Variants in C8A observed in about 807,000 individuals in gnomAD.
C8A encodes complement component C8 alpha chain.
Under a neutral mutation model 65.3 loss-of-function variants are expected in C8A, and 67 were observed. That is an observed-to-expected ratio of 1.03 (90% confidence interval 0.84 to 1.26). The LOEUF (loss-of-function observed/expected upper bound fraction) is 1.26. Among genes scored for constraint, C8A ranks in the 50% most tolerant of loss-of-function variants. The pLI is 0.00. For missense variants in C8A, 781 were observed against 723.9 expected, an observed-to-expected ratio of 1.08 and a Z score of -0.90; for synonymous variants, 290 against 259.4, an observed-to-expected ratio of 1.12 and a Z score of -1.13.
intron 9 of C8A, among the ~76,000 whole-genome samples, chr1:56,908,431 C>T (rs1053232558): frequency 1.3e-5 from 2 of 152,210 alleles, no homozygotes; most frequent in African/African-American, 4.8e-5. Context: ...TCAAAAATCA[C>T]ATGGGCTAAA....
chr1:56,881,088 G>A (rs1285473853), intron 4 of C8A, among the ~76,000 whole-genome samples: 1 of 152,194 alleles, frequency 6.6e-6, no homozygotes, highest in Non-Finnish European at 1.5e-5. Context: ...TGAAGGCTCA[G>A]GCCAGCCCAT....
At chr1:56,876,850 T>G (rs1437327460) in intron 4 of C8A, among the ~76,000 whole-genome samples, 2 of 152,160 alleles carry the variant, frequency 1.3e-5, no homozygotes, top group African/African-American at 4.8e-5. Context: ...CCTGGAATAT[T>G]CTTTCCCGAA....
In C8A at chr1:56,912,524, C is replaced by T; in HGVS notation, c.1502C>T (p.Pro501Leu). The T allele has an allele frequency of 6.2e-7, 1 of 1,614,234 alleles. No individual in the cohort carries two copies. Among genetic ancestry groups the T allele is most frequent in the Non-Finnish European group, 8.5e-7 (1 of 1,180,052 alleles). The change falls in exon 10 of 11, where the codon CCT (proline) becomes CTT (leucine). Residue 501 changes from proline to leucine, a missense_variant. Physicochemically the swap from Pro to Leu is moderately conservative, Grantham distance 98. Transcript: ENST00000361249. Reference sequence around the variant, plus strand: ...GAATTCAATGCCTGCCGATGTGGGCCTTGCTTCAACAATGGGGTGCCCATC... The same window carrying T: ...GAATTCAATGCCTGCCGATGTGGGCTTTGCTTCAACAATGGGGTGCCCATC... The part of the protein sequence containing the change: ...LMEFNACRCG[P>L]CFNNGVPILE...
intron 7 of C8A, among the ~76,000 whole-genome samples, chr1:56,901,584 G>T (rs114842183): frequency 1.3e-5 from 2 of 152,142 alleles, no homozygotes; most frequent in Non-Finnish European, 2.9e-5. Flanking sequence ...ACTAGACTGG[G>T]AAGCAATCCA....
At chr1:56,914,545 A>G (rs762817129) in intron 10 of C8A, among the ~76,000 whole-genome samples, 8 of 152,222 alleles carry the variant, frequency 5.3e-5, no homozygotes, top group Non-Finnish European at 8.8e-5. Context: ...GGGGATCTTC[A>G]TGCAGTAGAC....
intron 1 of C8A, among the ~76,000 whole-genome samples, chr1:56,859,291 A>G (rs1644007791): frequency 6.6e-6 from 1 of 152,268 alleles, no homozygotes; most frequent in Admixed American, 6.5e-5. Flanking sequence ...TATATGAGAT[A>G]ATATATTCAA....
At chr1:56,892,188 C>T (rs1306176444) in intron 7 of C8A, among the ~76,000 whole-genome samples, 1 of 152,124 alleles carries the variant, frequency 6.6e-6, no homozygotes, top group African/African-American at 2.4e-5. Context: ...GAATAACATT[C>T]ATGTCCTTCT....
chr1:56,896,526 C>G (rs1017196780), intron 7 of C8A, among the ~76,000 whole-genome samples: 2 of 152,152 alleles, frequency 1.3e-5, no homozygotes, highest in African/African-American at 4.8e-5. Context: ...AGAGGAAGGT[C>G]AGTCTTTTTG....
At chr1:56,874,557 G>A (rs148640851) in intron 2 of C8A, among the ~76,000 whole-genome samples, 16 of 152,288 alleles carry the variant, frequency 1.1e-4, no homozygotes, top group East Asian at 3.9e-4. Flanking sequence ...GGAGAACTAC[G>A]TGGATGCTCA....
intron 7 of C8A, among the ~76,000 whole-genome samples, chr1:56,895,881 C>A (rs779765153): frequency 6.6e-6 from 1 of 151,956 alleles, no homozygotes; most frequent in African/African-American, 2.4e-5. Flanking sequence ...CCTGGGAGGT[C>A]GAGGTTGCAG....
At chr1:56,895,593 A>G (rs1644381921) in intron 7 of C8A, among the ~76,000 whole-genome samples, 1 of 152,202 alleles carries the variant, frequency 6.6e-6, no homozygotes, top group Non-Finnish European at 1.5e-5. Context: ...AAAAAATAAA[A>G]TGTAATAGAA....
intron 7 of C8A, among the ~76,000 whole-genome samples, chr1:56,892,580 T>C (rs2101264749): frequency 6.6e-6 from 1 of 152,208 alleles, no homozygotes; most frequent in East Asian, 1.9e-4. Flanking sequence ...CCACAATCCA[T>C]CCCTTTCTCT....
At position 56,912,632 on chromosome 1, in the gene C8A, T is replaced by A. The variant is rs1157968626; in HGVS notation, c.1603+7T>A. The A allele has an allele frequency of 6.2e-7, 1 of 1,612,796 alleles. No individual in the cohort carries two copies. The highest frequency in any genetic ancestry group is 8.5e-7 in the Non-Finnish European group (1 of 1,179,302). Reference sequence around the variant, plus strand: ...GAGCAAACACAGACAGAAGGTAAGGTCCGTGCATCCCCACCCAGTTCCAGC... The same window carrying A: ...GAGCAAACACAGACAGAAGGTAAGGACCGTGCATCCCCACCCAGTTCCAGC... On this transcript the variant is annotated splice_region_variant and intron_variant, in intron 10 of 10. Coordinates refer to ENST00000361249, the MANE Select transcript of C8A (RefSeq NM_000562.3).
intron 5 of C8A, among the ~76,000 whole-genome samples, chr1:56,883,100 T>C (rs1027161976): frequency 6.6e-6 from 1 of 152,198 alleles, no homozygotes; most frequent in East Asian, 1.9e-4. Flanking sequence ...CCTGCCCAGA[T>C]GTGGCTTTCT....
intron 1 of C8A, 125 bp from the exon 2 acceptor site, chr1:56,867,484 T>C: frequency 4.1e-6 from 3 of 727,220 alleles, no homozygotes; most frequent in Non-Finnish European, 5.1e-6. Context: ...AAAGTAGGAG[T>C]ACAATAAATG....
At chr1:56,897,792 T>A (rs1644397430) in intron 7 of C8A, among the ~76,000 whole-genome samples, 1 of 152,180 alleles carries the variant, frequency 6.6e-6, no homozygotes, top group African/African-American at 2.4e-5. Context: ...ATTCGTAATC[T>A]AATCTCCATT....
intron 1 of C8A, among the ~76,000 whole-genome samples, chr1:56,858,172 T>C (rs892936048): frequency 2.0e-5 from 3 of 152,186 alleles, no homozygotes; most frequent in African/African-American, 4.8e-5. Context: ...CTTTTAATGT[T>C]CTTGTATGCT....
Position 56,895,387 on chromosome 1 carries a change from G to C in C8A, c.1096+9220G>C, listed in dbSNP as rs187505738. 2.0e-5 allele frequency among the ~76,000 whole-genome samples: 3 copies of C among 152,076 alleles called. No homozygotes were observed. The East Asian group carries it at 5.8e-4, about 29-fold the overall frequency. ...CTCCAATTCACAAAAGAAGAACTGAGACTCAGTGATTTTCTGTTAAATAGC... is the reference window on the plus strand; with the variant it reads ...CTCCAATTCACAAAAGAAGAACTGACACTCAGTGATTTTCTGTTAAATAGC... On this transcript the variant is annotated intron_variant, in intron 7 of 10. Transcript: ENST00000361249.
chr1:56,898,041 T>C (rs533480755), intron 7 of C8A, among the ~76,000 whole-genome samples: 1 of 152,238 alleles, frequency 6.6e-6, no homozygotes, highest in South Asian at 2.1e-4. Flanking sequence ...AAACTCATCT[T>C]CCAAAATTAC....
Sources: gnomAD v4.1 joint callset for allele counts (sites outside exome capture counted in the v4.1 genomes callset) on GRCh38, gnomAD v4.1.1 for gene constraint, MANE v1.5 for transcripts, NCBI Gene and HGNC (gene_info 2026-07-23, HGNC 2026-07-21) for gene names.